The following NRXN3 variants were observed in gnomAD, a reference collection of about 807,000 sequenced individuals.
The protein encoded by NRXN3 is neurexin 3.
In NRXN3, 32 loss-of-function variants were observed where a neutral mutation model predicts 137.6. The ratio of observed to expected loss-of-function variants is 0.23; its 90% CI spans 0.18 to 0.31. NRXN3 has a LOEUF of 0.31. NRXN3 is among the 10% of genes least tolerant of loss of function. The probability of loss-of-function intolerance (pLI) is 1.00; values close to 1 mark genes in which losing one functional copy is unlikely to be tolerated. For synonymous variants in NRXN3, 798 were observed against 784.5 expected, an observed-to-expected ratio of 1.02 and a Z score of -0.29; for missense variants, 1,574 against 2,062.5, an observed-to-expected ratio of 0.76 and a Z score of 4.59.
intron 4 of NRXN3, among the ~76,000 whole-genome samples, chr14:78,344,918 A>C (rs1473572822): frequency 1.3e-5 from 2 of 152,190 alleles, no homozygotes; most frequent in East Asian, 3.8e-4. Flanking sequence ...TGAAAGTGTG[A>C]GAGCCACTGC....
intron 19 of NRXN3, among the ~76,000 whole-genome samples, chr14:79,708,540 T>A (rs2098790520): frequency 6.6e-6 from 1 of 151,806 alleles, no homozygotes; most frequent in African/African-American, 2.4e-5. Flanking sequence ...TATTTATATA[T>A]AATAGGAAAA....
intron 16 of NRXN3, among the ~76,000 whole-genome samples, chr14:79,485,654 G>A (rs966632601): frequency 1.3e-5 from 2 of 151,842 alleles, no homozygotes; most frequent in African/African-American, 4.8e-5. Context: ...AACTAGGGAG[G>A]TCAGAATAGC....
intron 15 of NRXN3, among the ~76,000 whole-genome samples, chr14:79,293,530 TTAGTCTCTTTC>T (rs1293340296): frequency 2.0e-5 from 3 of 152,252 alleles, no homozygotes; most frequent in African/African-American, 4.8e-5. Flanking sequence ...GCTTCGCTGT[TTAGTCTCTTTC>T]TAGTCTCTTT....
At chr14:78,944,256 A>G (rs2099360978) in intron 10 of NRXN3, among the ~76,000 whole-genome samples, 1 of 152,194 alleles carries the variant, frequency 6.6e-6, no homozygotes, top group African/African-American at 2.4e-5. Context: ...ACCAGTTTAC[A>G]GTGTAGAGAG....
At chr14:78,548,685 C>T (rs1600281834) in intron 4 of NRXN3, among the ~76,000 whole-genome samples, 1 of 152,206 alleles carries the variant, frequency 6.6e-6, no homozygotes, top group Admixed American at 6.5e-5. Context: ...CCCCTGCACA[C>T]GTTTTGCACA....
At chr14:78,676,308 G>A (rs2098005648) in intron 6 of NRXN3, among the ~76,000 whole-genome samples, 1 of 152,044 alleles carries the variant, frequency 6.6e-6, no homozygotes, top group African/African-American at 2.4e-5. Flanking sequence ...AGCTGTAAAG[G>A]CAAAAGAAAA....
At chr14:79,427,280 C>T (rs768764066) in intron 15 of NRXN3, among the ~76,000 whole-genome samples, 3 of 152,158 alleles carry the variant, frequency 2.0e-5, no homozygotes, top group Non-Finnish European at 2.9e-5. Context: ...CTTTAGGTAG[C>T]CGTCTGAATG....
chr14:79,788,268 C>T (rs988592172), intron 19 of NRXN3, among the ~76,000 whole-genome samples: 15 of 152,164 alleles, frequency 9.9e-5, no homozygotes, highest in African/African-American at 3.6e-4. Context: ...TCCCATGACA[C>T]GTGGGGATTA....
At chr14:78,929,955 G>A (rs2099317083) in intron 10 of NRXN3, among the ~76,000 whole-genome samples, 1 of 152,128 alleles carries the variant, frequency 6.6e-6, no homozygotes, top group African/African-American at 2.4e-5. Flanking sequence ...CCTGTCAAGT[G>A]CTTCTAGACC....
chr14:78,693,721 T>TTTCTTTTAG (rs2098196840), intron 6 of NRXN3, among the ~76,000 whole-genome samples: 1 of 149,788 alleles, frequency 6.7e-6, no homozygotes, highest in African/African-American at 2.5e-5. Flanking sequence ...GTTCTCTTGC[T>TTTCTTTTAG]TTCTTTTAGT....
chr14:78,590,898 A>AAAACAAAC (rs529737555), intron 4 of NRXN3, among the ~76,000 whole-genome samples: 6 of 152,152 alleles, frequency 3.9e-5, no homozygotes, highest in African/African-American at 1.4e-4. Context: ...ACTCTGTCTC[A>AAAACAAAC]AAACAAACAA....
rs142309898 is a variant in NRXN3, at chr14:79,801,803, G to A, written c.4015-3309G>A. Among the ~76,000 whole-genome samples the A allele has an allele frequency of 1.5e-3, 226 of 152,164 alleles. 2 individuals are homozygous for A. Among genetic ancestry groups the A allele is most frequent in the Admixed American group, 5.0e-3 (77 of 15,278 alleles). ...AACAAATCTTTGGGCAAAGTGGAGC[G>A]CAGAGAGGGTTAAAGGTGGAAAAAG... On this transcript the variant is annotated intron_variant, in intron 19 of 20. Transcript: ENST00000335750.
intron 15 of NRXN3, among the ~76,000 whole-genome samples, chr14:79,289,627 A>T (rs1025121603): frequency 2.6e-5 from 4 of 152,172 alleles, no homozygotes; most frequent in Admixed American, 6.6e-5. Flanking sequence ...TCTAAAAAAA[A>T]AAAATTAATC....
At chr14:78,619,677 C>T (rs1371232799) in intron 4 of NRXN3, among the ~76,000 whole-genome samples, 1 of 151,994 alleles carries the variant, frequency 6.6e-6, no homozygotes, top group East Asian at 1.9e-4. Flanking sequence ...TTTCTCCTTC[C>T]TGGCGCCTTG....
chr14:78,894,331 T>C lies in NRXN3; in HGVS notation c.2276-62911T>C, dbSNP rs554242919. Among the ~76,000 whole-genome samples, 4 of 152,098 alleles carry C rather than the reference T, an allele frequency of 2.6e-5. No individual in the cohort carries two copies. The South Asian group carries it at 8.3e-4, about 32-fold the overall frequency. On this transcript the variant is annotated intron_variant, in intron 10 of 20. Transcript: ENST00000335750. The stretch of plus-strand genomic sequence containing the variant: ...ATCCTTTGTAGTCATTTCAACAATG[T>C]TCACAGCATCTTTACCAGGAGAAAA...
chr14:78,215,972 A>T (rs2063232813), intron 1 of NRXN3, among the ~76,000 whole-genome samples: 2 of 152,224 alleles, frequency 1.3e-5, no homozygotes, highest in South Asian at 4.1e-4. Context: ...GTGTGTAATG[A>T]TAACATGGGG....
chr14:78,904,790 A>T (rs1037781089), intron 10 of NRXN3, among the ~76,000 whole-genome samples: 3 of 151,790 alleles, frequency 2.0e-5, no homozygotes, highest in Admixed American at 6.6e-5. Context: ...TCTCTTTTCC[A>T]TAGTTCTCCT....
intron 4 of NRXN3, among the ~76,000 whole-genome samples, chr14:78,622,692 GC>G (rs1460595795): frequency 2.6e-5 from 4 of 152,220 alleles, no homozygotes; most frequent in African/African-American, 9.6e-5. Context: ...GATTGGGCAC[GC>G]AGTAGGAGAA....
chr14:79,859,020 T>G (rs1428936084), intron 20 of NRXN3, among the ~76,000 whole-genome samples: 1 of 149,686 alleles, frequency 6.7e-6, no homozygotes, highest in South Asian at 2.1e-4. Flanking sequence ...GCTGGTCTAG[T>G]ACAGTAAGTG....
Sources: allele counts gnomAD v4.1 joint callset (sites outside exome capture counted in the v4.1 genomes callset), GRCh38; gene constraint gnomAD v4.1.1; transcripts MANE v1.5; gene names NCBI Gene and HGNC (gene_info 2026-07-23, HGNC 2026-07-21).